The following LRRC4C variants were observed in gnomAD, a reference collection of about 807,000 sequenced individuals.
The protein encoded by LRRC4C is leucine rich repeat containing 4C, also known as leucine-rich repeat-containing protein 4C.
A neutral mutation model predicts 33.6 loss-of-function variants in LRRC4C; 5 were observed. That is an observed-to-expected ratio of 0.15 (90% CI 0.08 to 0.31). The LOEUF is 0.31. Among genes scored for constraint, LRRC4C ranks in the 10% least tolerant of loss-of-function variants. The pLI, the probability that LRRC4C is intolerant of heterozygous loss-of-function variation, is 1.00. For missense variants in LRRC4C, 560 were observed against 796.7 expected (o/e 0.70, Z 3.58); for synonymous variants, 329 against 302.0 (o/e 1.09, Z -0.93).
At chr11:40,316,381 T>C (rs1945574383) in intron 4 of LRRC4C, among the ~76,000 whole-genome samples, 1 of 152,054 alleles carries the variant, frequency 6.6e-6, no homozygotes, top group Admixed American at 6.5e-5. Flanking sequence ...TGTTTGGAAC[T>C]TTACTTGTTC....
At chr11:41,118,898 CCTTTT>C (rs67528599) in intron 1 of LRRC4C, among the ~76,000 whole-genome samples, 58,866 of 151,302 alleles carry the variant, frequency 0.39, 12,623 homozygotes, top group Middle Eastern at 0.52. Context: ...CAAAATAAAT[CCTTTT>C]CTTATCTTTT....
intron 1 of LRRC4C, chr11:41,122,906 T>C (rs1044190417): frequency 3.9e-5 from 6 of 152,168 alleles, no homozygotes; most frequent in African/African-American, 1.2e-4. Context: ...GTATTTTATA[T>C]ACATATATAC....
chr11:41,454,053 T>C (rs1448568364), intron 1 of LRRC4C, among the ~76,000 whole-genome samples: 1 of 152,114 alleles, frequency 6.6e-6, no homozygotes, highest in African/African-American at 2.4e-5. Flanking sequence ...CATCCATTCA[T>C]TTTAAGGATA....
intron 2 of LRRC4C, among the ~76,000 whole-genome samples, chr11:40,821,372 A>G (rs2135466409): frequency 6.6e-6 from 1 of 151,862 alleles, no homozygotes; most frequent in East Asian, 1.9e-4. Context: ...TGGAATATAT[A>G]GACTATCAGA....
intron 1 of LRRC4C, among the ~76,000 whole-genome samples, chr11:41,424,848 T>G (rs1260459106): frequency 2.0e-5 from 3 of 150,708 alleles, no homozygotes; most frequent in African/African-American, 7.4e-5. Context: ...TCTGAAGTAT[T>G]TTTTTTTGAA....
chr11:40,788,490 A>G (rs188006540), intron 2 of LRRC4C, among the ~76,000 whole-genome samples: 2 of 152,316 alleles, frequency 1.3e-5, no homozygotes, highest in East Asian at 3.9e-4. Flanking sequence ...ACAGTCAAAT[A>G]CAAGCAAAGC....
intron 1 of LRRC4C, among the ~76,000 whole-genome samples, chr11:40,951,261 C>T (rs1958677696): frequency 6.6e-6 from 1 of 151,666 alleles, no homozygotes; most frequent in African/African-American, 2.4e-5. Context: ...CCTTGTTTTC[C>T]AAAACTCTTT....
intron 2 of LRRC4C, among the ~76,000 whole-genome samples, chr11:40,787,464 C>T (rs73468709): frequency 0.038 from 5,742 of 152,242 alleles, 375 homozygotes; most frequent in African/African-American, 0.13. Context: ...GCAACATTCT[C>T]CATTGCATGT....
intron 3 of LRRC4C, among the ~76,000 whole-genome samples, chr11:40,493,343 G>C (rs1295811162): frequency 6.6e-6 from 1 of 152,040 alleles, no homozygotes; most frequent in Admixed American, 6.6e-5. Flanking sequence ...GTAATCTACA[G>C]ATATGTAAGT....
intron 3 of LRRC4C, among the ~76,000 whole-genome samples, chr11:40,345,519 C>T (rs1030977357): frequency 6.6e-6 from 1 of 152,084 alleles, no homozygotes; most frequent in East Asian, 1.9e-4. Context: ...AAACTGGACC[C>T]CTTCCTTATG....
rs186578911 is a variant in LRRC4C, at chr11:40,171,826, A to G, written c.-95-30973T>C. ...TTTGTCAAAATTATCTTTCCGTACC[A>G]CCATGCAGCAAAACGTTGGCCTGAA... On this transcript the variant is annotated intron_variant, in intron 5 of 6. Transcript: ENST00000528697. 8.5e-5 allele frequency among the ~76,000 whole-genome samples: 13 copies of G among 152,248 alleles called. No homozygotes were observed. In the East Asian group the frequency reaches 2.5e-3, roughly 29 times the overall value.
At position 40,679,648 on chromosome 11, in the gene LRRC4C, C is replaced by T. The variant is rs201547969; in HGVS notation, c.-406-31370G>A. ...GCTTTAGAAGGTGGAAGCCCCAAGC[C>T]TTGGCAGCTTCCTCATAGTGTTGAG... On this transcript the variant is annotated intron_variant, in intron 2 of 6. Transcript: ENST00000528697. 6.6e-5 allele frequency among the ~76,000 whole-genome samples: 10 copies of T among 152,278 alleles called. No individual in the cohort carries two copies. In the East Asian group the frequency reaches 1.9e-3, roughly 29 times the overall value.
chr11:41,073,736 T>C (rs1193458958), intron 1 of LRRC4C, among the ~76,000 whole-genome samples: 1 of 152,226 alleles, frequency 6.6e-6, no homozygotes, highest in African/African-American at 2.4e-5. Flanking sequence ...TGTCAACAAA[T>C]TGACTGTTGT....
At chr11:40,634,247 G>C (rs1963756999) in intron 3 of LRRC4C, among the ~76,000 whole-genome samples, 1 of 152,160 alleles carries the variant, frequency 6.6e-6, no homozygotes, top group Non-Finnish European at 1.5e-5. Context: ...CCAAACTAAA[G>C]ATCACAAATT....
intron 1 of LRRC4C, among the ~76,000 whole-genome samples, chr11:40,982,251 A>C (rs1323384756): frequency 6.6e-6 from 1 of 152,186 alleles, no homozygotes; most frequent in Non-Finnish European, 1.5e-5. Context: ...GCTCAACCAT[A>C]TATCAACTAC....
intron 1 of LRRC4C, among the ~76,000 whole-genome samples, chr11:41,127,850 A>G (rs541506010): frequency 6.6e-6 from 1 of 152,262 alleles, no homozygotes; most frequent in East Asian, 1.9e-4. Flanking sequence ...ACAGACGTGC[A>G]TTGTGAACAA....
intron 1 of LRRC4C, among the ~76,000 whole-genome samples, chr11:41,405,334 T>C (rs1026107534): frequency 1.3e-5 from 2 of 152,134 alleles, no homozygotes; most frequent in African/African-American, 4.8e-5. Context: ...CCCATCCAAT[T>C]TTCTTGCTTA....
chr11:40,478,392 G>A (rs1953359938), intron 3 of LRRC4C, among the ~76,000 whole-genome samples: 2 of 152,102 alleles, frequency 1.3e-5, no homozygotes, highest in Non-Finnish European at 2.9e-5. Flanking sequence ...TACATGCAGG[G>A]TGGTTTAGGA....
At chr11:41,195,827 T>C (rs940221128) in intron 1 of LRRC4C, among the ~76,000 whole-genome samples, 1 of 152,082 alleles carries the variant, frequency 6.6e-6, no homozygotes, top group African/African-American at 2.4e-5. Context: ...AGTCAGCATA[T>C]ACACAAAATT....
Sources: gnomAD v4.1 joint callset for allele counts (sites outside exome capture counted in the v4.1 genomes callset) on GRCh38, gnomAD v4.1.1 for gene constraint, MANE v1.5 for transcripts, NCBI Gene and HGNC (gene_info 2026-07-23, HGNC 2026-07-21) for gene names.